The following PDLIM1 variants were observed in gnomAD, a reference collection of about 807,000 sequenced individuals.
The protein encoded by PDLIM1 is PDZ and LIM domain 1.
A neutral mutation model predicts 35.2 loss-of-function variants in PDLIM1; 25 were observed. The ratio of observed to expected loss-of-function variants is 0.71; its 90% confidence interval spans 0.52 to 0.99. PDLIM1 has a LOEUF of 0.99. Among genes scored for constraint, PDLIM1 ranks in the 50% least tolerant of loss-of-function variants. The probability of loss-of-function intolerance (pLI) is 0.00; values close to 1 mark genes in which losing one functional copy is unlikely to be tolerated. For synonymous variants in PDLIM1, 152 were observed against 154.0 expected (o/e 0.99, Z 0.10); for missense variants, 363 against 415.3 (o/e 0.87, Z 1.09).
At chr10:95,278,657 G>A (rs1356803109) in intron 1 of PDLIM1, among the ~76,000 whole-genome samples, 3 of 152,018 alleles carry the variant, frequency 2.0e-5, no homozygotes, top group South Asian at 2.1e-4. Flanking sequence ...TTTAGCAAGC[G>A]AAGGGAGAGG....
intron 5 of PDLIM1, among the ~76,000 whole-genome samples, chr10:95,242,457 C>A (rs1467596064): frequency 6.6e-6 from 1 of 151,978 alleles, no homozygotes; most frequent in Non-Finnish European, 1.5e-5. Context: ...AAGACCAAGG[C>A]GGGCAGATCA....
intron 4 of PDLIM1, among the ~76,000 whole-genome samples, chr10:95,258,073 A>AAG (rs951543761): frequency 6.6e-6 from 1 of 152,034 alleles, no homozygotes; most frequent in African/African-American, 2.4e-5. Flanking sequence ...GGAGCAGGCA[A>AAG]AGAGAGAGAG....
chr10:95,267,243 G>A (rs1213275534), intron 3 of PDLIM1, among the ~76,000 whole-genome samples: 1 of 152,104 alleles, frequency 6.6e-6, no homozygotes, highest in Non-Finnish European at 1.5e-5. Context: ...TACTACAAAT[G>A]AAAACTATAA....
chr10:95,257,012 A>G (rs2035320025), intron 4 of PDLIM1, among the ~76,000 whole-genome samples: 2 of 149,726 alleles, frequency 1.3e-5, no homozygotes, highest in Non-Finnish European at 3.0e-5. Context: ...GAAAGAAAGA[A>G]AGAAAGAAAG....
intron 3 of PDLIM1, among the ~76,000 whole-genome samples, chr10:95,265,678 T>C (rs1045508159): frequency 1.4e-5 from 2 of 146,184 alleles, no homozygotes; most frequent in Admixed American, 1.4e-4. Context: ...ACTTTGGGAG[T>C]CCAAATCAGG....
chr10:95,256,649 G>A (rs1344224704), intron 4 of PDLIM1, among the ~76,000 whole-genome samples: 2 of 152,164 alleles, frequency 1.3e-5, no homozygotes, highest in Admixed American at 1.3e-4. Flanking sequence ...GTAAAAGAAT[G>A]AAGTTGGACC....
intron 4 of PDLIM1, among the ~76,000 whole-genome samples, chr10:95,255,324 T>TA (rs56689408): frequency 0.51 from 52,915 of 102,812 alleles, 11,603 homozygotes; most frequent in Middle Eastern, 0.61. Flanking sequence ...CCAAAGATAC[T>TA]AAAAAAAAAA....
chr10:95,286,715 A>C (rs1222493289), intron 1 of PDLIM1, among the ~76,000 whole-genome samples: 2 of 152,244 alleles, frequency 1.3e-5, no homozygotes, highest in Admixed American at 1.3e-4. Context: ...TTGAGTAGTA[A>C]GTCAGCCAGT....
chr10:95,271,847 A>T, intron 1 of PDLIM1, 63 bp from the exon 2 acceptor site: 1 of 1,520,922 alleles, frequency 6.6e-7, no homozygotes, highest in Non-Finnish European at 9.0e-7. Context: ...GTTACCACCA[A>T]GTTAAGTATT....
chr10:95,285,073 A>G (rs946577670), intron 1 of PDLIM1, among the ~76,000 whole-genome samples: 1 of 152,180 alleles, frequency 6.6e-6, no homozygotes, highest in Admixed American at 6.6e-5. Context: ...CACAAGAACC[A>G]TTCCCAAATG....
At chr10:95,261,952 G>A (rs534619849) in intron 4 of PDLIM1, among the ~76,000 whole-genome samples, 1 of 151,410 alleles carries the variant, frequency 6.6e-6, no homozygotes, top group Admixed American at 6.6e-5. Flanking sequence ...AGGTTGTGGT[G>A]AGCAGAGATC....
chr10:95,260,180 G>T (rs35432490), intron 4 of PDLIM1, among the ~76,000 whole-genome samples: 12,529 of 152,284 alleles, frequency 0.082, 666 homozygotes, highest in Middle Eastern at 0.16. Flanking sequence ...CAACCTGGTG[G>T]TAAAGAAGTT....
Position 95,290,545 on chromosome 10 carries a change from C to G in PDLIM1, c.96+275G>C, listed in dbSNP as rs896385331. On this transcript the variant is annotated intron_variant, in intron 1 of 6. Coordinates refer to ENST00000329399, the MANE Select transcript of PDLIM1 (RefSeq NM_020992.4). The surrounding 1 kb of genome is among the most constrained non-coding windows in gnomAD (Gnocchi z 4.7). ...CAAAGAACTAACACCCGCCCCGCCG[C>G]GCTTCCGGGGCCAAAGAACGAAAAC... Among the ~76,000 whole-genome samples the G allele has an allele frequency of 6.6e-6, 1 of 152,164 alleles. No homozygotes were observed. Among genetic ancestry groups the G allele is most frequent in the African/African-American group, 2.4e-5 (1 of 41,452 alleles).
At chr10:95,241,387 T>G (rs754788651) in intron 5 of PDLIM1, among the ~76,000 whole-genome samples, 4 of 152,210 alleles carry the variant, frequency 2.6e-5, no homozygotes, top group Non-Finnish European at 4.4e-5. Context: ...CATGGTTGAC[T>G]GTATTTTGAC....
intron 1 of PDLIM1, among the ~76,000 whole-genome samples, chr10:95,284,656 T>G (rs980260257): frequency 1.3e-5 from 2 of 152,186 alleles, no homozygotes; most frequent in Non-Finnish European, 2.9e-5. Flanking sequence ...GCCCAGCCTC[T>G]GTATGCATTT....
intron 2 of PDLIM1, among the ~76,000 whole-genome samples, chr10:95,270,756 C>A (rs1005926083): frequency 1.1e-4 from 17 of 151,916 alleles, no homozygotes; most frequent in African/African-American, 3.9e-4. Context: ...ATCCTAAGGA[C>A]ATTTTTTTTT....
chr10:95,263,789 GCC>G, intron 4 of PDLIM1, 73 bp downstream of exon 4: 1 of 1,169,496 alleles, frequency 8.6e-7, no homozygotes, highest in Admixed American at 2.3e-5. Context: ...TCTTGCACCT[GCC>G]TGGGCAGCCC....
At position 95,290,789 on chromosome 10, in the gene PDLIM1, C is replaced by A; in HGVS notation, c.96+31G>T. ...TCCGCATATCACCTCCCATAGCGCCCCGCTTCCACGCACGTCCCAGCTGCT... is the reference window on the plus strand; with the variant it reads ...TCCGCATATCACCTCCCATAGCGCCACGCTTCCACGCACGTCCCAGCTGCT... On this transcript the variant is annotated intron_variant, in intron 1 of 6. Coordinates refer to ENST00000329399, the MANE Select transcript of PDLIM1 (RefSeq NM_020992.4). This position sits in a 1 kb window ranked among gnomAD's most constrained non-coding sequence, Gnocchi z 4.7. The A allele has an allele frequency of 1.3e-6, 2 of 1,483,400 alleles. No individual in the cohort carries two copies. Among genetic ancestry groups the A allele is most frequent in the Admixed American group, 3.9e-5 (2 of 51,076 alleles). The allele number at this position is 1,483,400 out of a possible 1,614,324, so 91.9% of individuals were successfully genotyped here. A position where few individuals can be genotyped will look rare whatever the true frequency, so the allele number is the denominator to read the frequency against.
At position 95,238,561 on chromosome 10, in the gene PDLIM1, TACTC is replaced by T. The variant is rs1564596135; in HGVS notation, c.803+3_803+6del. 2.0e-6 allele frequency: 3 copies of T among 1,526,180 alleles called. No homozygotes were observed. The highest frequency in any genetic ancestry group is 1.1e-5 in the South Asian group (1 of 89,156). 94.5% of individuals were successfully genotyped at this position (1,526,180 alleles called of 1,614,324 possible). A position where few individuals can be genotyped will look rare whatever the true frequency, so the allele number is the denominator to read the frequency against. On this transcript the variant is annotated splice_donor_5th_base_variant and intron_variant, in intron 6 of 6. Transcript: ENST00000329399. ...GTCTGCAAAGGCTGTGGGAAGCAGATACTCACACAATCCCAGTGCCACATTTGTC... is the reference window on the plus strand; with the variant it reads ...GTCTGCAAAGGCTGTGGGAAGCAGATACACAATCCCAGTGCCACATTTGTC...
Sources: allele counts gnomAD v4.1 joint callset (sites outside exome capture counted in the v4.1 genomes callset), GRCh38; gene constraint gnomAD v4.1.1; non-coding constraint Gnocchi (gnomAD v3.1); transcripts MANE v1.5; gene names NCBI Gene and HGNC (gene_info 2026-07-23, HGNC 2026-07-21).